The following PCSK5 variants were observed in gnomAD, a reference collection of about 807,000 sequenced individuals.
PCSK5 encodes the protein prohormone convertase 5.
Under a neutral mutation model 233.2 loss-of-function variants are expected in PCSK5, and 129 were observed. The observed-to-expected ratio is 0.55, with a 90% confidence interval of 0.48 to 0.64. PCSK5 has a LOEUF of 0.64. Among genes scored for constraint, PCSK5 ranks in the 30% least tolerant of loss-of-function variants. The pLI, the probability that PCSK5 is intolerant of heterozygous loss-of-function variation, is 0.00. For synonymous variants in PCSK5, 825 were observed against 879.2 expected (o/e 0.94, Z 1.09); for missense variants, 2,076 against 2,430.1 (o/e 0.85, Z 3.06).
intron 10 of PCSK5, among the ~76,000 whole-genome samples, chr9:76,149,551 A>G (rs748230982): frequency 1.3e-5 from 2 of 152,228 alleles, no homozygotes; most frequent in Non-Finnish European, 2.9e-5. Context: ...CCAAAATCCC[A>G]TTTCATTCAT....
chr9:75,963,652 G>A (rs1480859705), intron 2 of PCSK5, among the ~76,000 whole-genome samples: 15 of 152,190 alleles, frequency 9.9e-5, no homozygotes, highest in African/African-American at 1.4e-4. Context: ...AGGCCGAGGC[G>A]GGCGGATCAC....
chr9:76,260,904 C>G lies in PCSK5; in HGVS notation c.3142+20220C>G, dbSNP rs189768211. Among the ~76,000 whole-genome samples, 9 of 152,246 alleles carry G rather than the reference C, an allele frequency of 5.9e-5. No individual in the cohort carries two copies. The East Asian group carries it at 1.7e-3, about 29-fold the overall frequency. On this transcript the variant is annotated intron_variant, in intron 24 of 37. Coordinates refer to ENST00000674117, the MANE Select transcript of PCSK5 (RefSeq NM_001372043.1). Reference sequence around the variant, plus strand: ...AAGGGCTCAATAAATGTGAGCATTTCTTATAAATATTATTAATGGGGTATT... The same window carrying G: ...AAGGGCTCAATAAATGTGAGCATTTGTTATAAATATTATTAATGGGGTATT...
intron 20 of PCSK5, chr9:76,209,606 A>G: frequency 2.0e-6 from 1 of 503,330 alleles, no homozygotes; most frequent in Non-Finnish European, 4.0e-6. Flanking sequence ...CCTAACGTCC[A>G]ATAGTCAACT....
intron 37 of PCSK5, among the ~76,000 whole-genome samples, chr9:76,357,714 T>C (rs1168003068): frequency 6.6e-6 from 1 of 152,302 alleles, no homozygotes; most frequent in African/African-American, 2.4e-5. Context: ...TGAATTCTGA[T>C]TGCTCCACAA....
intron 2 of PCSK5, among the ~76,000 whole-genome samples, chr9:75,940,263 C>G (rs7028899): frequency 0.55 from 83,738 of 152,124 alleles, 23,307 homozygotes; most frequent in African/African-American, 0.57. Context: ...TCTATACACT[C>G]TTAAATCCAT....
At chr9:76,093,950 G>T (rs1196529774) in intron 7 of PCSK5, among the ~76,000 whole-genome samples, 2 of 152,148 alleles carry the variant, frequency 1.3e-5, no homozygotes, top group Non-Finnish European at 2.9e-5. Context: ...TTCTTAGTTT[G>T]TGATGGCTTG....
intron 20 of PCSK5, among the ~76,000 whole-genome samples, chr9:76,215,094 G>A (rs1403997745): frequency 6.6e-6 from 1 of 152,162 alleles, no homozygotes; most frequent in East Asian, 1.9e-4. Context: ...ATAAGCCAAA[G>A]ACTGTTCAAG....
chr9:76,210,252 G>A (rs946853135), intron 20 of PCSK5, among the ~76,000 whole-genome samples: 2 of 152,184 alleles, frequency 1.3e-5, no homozygotes, highest in Non-Finnish European at 2.9e-5. Context: ...GGCAACTGGA[G>A]TTCAACGTCG....
chr9:76,283,112 T>C (rs1045049121), intron 24 of PCSK5, among the ~76,000 whole-genome samples: 1 of 152,250 alleles, frequency 6.6e-6, no homozygotes, highest in Non-Finnish European at 1.5e-5. Context: ...AAACTTCTCC[T>C]GGTGAAGATG....
intron 2 of PCSK5, among the ~76,000 whole-genome samples, chr9:75,965,183 T>C (rs551628704): frequency 3.9e-5 from 6 of 152,256 alleles, no homozygotes; most frequent in Non-Finnish European, 5.9e-5. Context: ...ACGCACTGTA[T>C]TAGGGTTCTC....
intron 31 of PCSK5, among the ~76,000 whole-genome samples, chr9:76,321,938 C>T (rs997205435): frequency 3.3e-5 from 5 of 151,892 alleles, no homozygotes; most frequent in African/African-American, 1.2e-4. Flanking sequence ...CAGAGAAGAA[C>T]CCAATGTTCT....
At chr9:76,059,127 C>G (rs1307725081) in intron 5 of PCSK5, among the ~76,000 whole-genome samples, 2 of 152,118 alleles carry the variant, frequency 1.3e-5, no homozygotes, top group Non-Finnish European at 2.9e-5. Flanking sequence ...GAATGCAGCC[C>G]AGAGAGAGAA....
intron 9 of PCSK5, 75 bp downstream of exon 9, chr9:76,107,426 T>C (rs1020684005): frequency 7.5e-6 from 6 of 802,054 alleles, no homozygotes; most frequent in African/African-American, 3.4e-5. Context: ...TTCCCTTGTA[T>C]AGGACCCCTA....
At chr9:76,022,201 T>G (rs1027149431) in intron 3 of PCSK5, among the ~76,000 whole-genome samples, 4 of 152,170 alleles carry the variant, frequency 2.6e-5, no homozygotes, top group Non-Finnish European at 5.9e-5. Context: ...AATGGTCTTG[T>G]TTATTTGGTG....
intron 7 of PCSK5, among the ~76,000 whole-genome samples, chr9:76,090,545 A>C (rs1429131804): frequency 6.6e-6 from 1 of 152,270 alleles, no homozygotes; most frequent in South Asian, 2.1e-4. Context: ...GGCAGTCTCT[A>C]TGCATTCTGT....
At chr9:75,982,087 T>G (rs144523291) in intron 2 of PCSK5, among the ~76,000 whole-genome samples, 324 of 152,304 alleles carry the variant, frequency 2.1e-3, no homozygotes, top group Non-Finnish European at 2.9e-3. Context: ...CTTTAAACCA[T>G]TTGTAACTTA....
chr9:76,100,841 C>T (rs1484265376), intron 8 of PCSK5, among the ~76,000 whole-genome samples: 1 of 152,132 alleles, frequency 6.6e-6, no homozygotes, highest in Non-Finnish European at 1.5e-5. Context: ...CCTATGGCAG[C>T]AGAGTTAGCA....
rs1564196585 is a variant in PCSK5 at position 76,351,460 on chromosome 9, GAAAGAAAGA to G, written c.5067+535_5067+543del. On this transcript the variant is annotated intron_variant, in intron 36 of 37. Coordinates refer to ENST00000674117, the MANE Select transcript of PCSK5 (RefSeq NM_001372043.1). ...ATGTGAAAGAAAGGAAAGAAAGAAA[GAAAGAAAGA>G]AAGAAAGAAAGAAAGAAAGAAAGAA... 3.8e-3 allele frequency among the ~76,000 whole-genome samples: 136 copies of G among 35,516 alleles called. 23 individuals are homozygous for G. The highest frequency in any genetic ancestry group is 0.024 in the Middle Eastern group (3 of 126). The allele number at this position is 35,516 out of a possible 152,430, so 23.3% of individuals were successfully genotyped here.
intron 5 of PCSK5, among the ~76,000 whole-genome samples, chr9:76,059,498 C>T (rs1414525360): frequency 1.3e-5 from 2 of 152,090 alleles, no homozygotes; most frequent in Non-Finnish European, 2.9e-5. Context: ...TTAGGTCTAA[C>T]GTTTAAGTCT....
Sources: allele counts gnomAD v4.1 joint callset (sites outside exome capture counted in the v4.1 genomes callset), GRCh38; gene constraint gnomAD v4.1.1; transcripts MANE v1.5; gene names NCBI Gene and HGNC (gene_info 2026-07-23, HGNC 2026-07-21).